The following RFT1 variants were observed in gnomAD, a reference collection of about 807,000 sequenced individuals.
The protein encoded by RFT1 is man(5)GlcNAc(2)-PP-dolichol translocation protein RFT1.
In RFT1, 43 loss-of-function variants were observed where a neutral mutation model predicts 62.2. The ratio of observed to expected loss-of-function variants is 0.69; its 90% CI spans 0.54 to 0.89. The LOEUF (loss-of-function observed/expected upper bound fraction) is 0.89. RFT1 is among the 40% of genes least tolerant of loss of function. RFT1 has a pLI of 0.00. For synonymous variants in RFT1, 262 were observed against 264.6 expected (o/e 0.99, Z 0.10); for missense variants, 605 against 649.9 (o/e 0.93, Z 0.75).
intron 6 of RFT1, among the ~76,000 whole-genome samples, chr3:53,113,790 A>G (rs1046871594): frequency 6.6e-6 from 1 of 152,204 alleles, no homozygotes; most frequent in Non-Finnish European, 1.5e-5. Context: ...AGAATGCTCT[A>G]TAGCCACATG....
the RFT1 span, among the ~76,000 whole-genome samples, chr3:53,068,401 C>G: frequency 2.0e-5 from 3 of 152,230 alleles, no homozygotes; most frequent in African/African-American, 7.2e-5. Context: ...CGACACGGTG[C>G]CTCCTGCCCA....
chr3:53,111,385 G>A (rs1255557077), intron 7 of RFT1, among the ~76,000 whole-genome samples: 5 of 151,096 alleles, frequency 3.3e-5, no homozygotes, highest in African/African-American at 1.2e-4. Flanking sequence ...CAGCTTGGGC[G>A]ACGGAGCAAG....
chr3:53,074,234 C>T, the RFT1 span, among the ~76,000 whole-genome samples: 1 of 152,222 alleles, frequency 6.6e-6, no homozygotes. Flanking sequence ...TTTAAGGCTC[C>T]CCTAAACCTG....
At chr3:53,101,506 C>T (rs1278663716) in intron 10 of RFT1, among the ~76,000 whole-genome samples, 2 of 152,286 alleles carry the variant, frequency 1.3e-5, no homozygotes, top group South Asian at 2.1e-4. Context: ...CAGTGACTCA[C>T]GTAAAGGGTT....
chr3:53,075,816 T>A, the RFT1 span, among the ~76,000 whole-genome samples: 1 of 151,584 alleles, frequency 6.6e-6, no homozygotes, highest in South Asian at 2.1e-4. Context: ...AGCCCCGAGA[T>A]GGGGGAGACG....
At chr3:53,115,415 G>T (rs1701765162) in intron 6 of RFT1, among the ~76,000 whole-genome samples, 1 of 152,080 alleles carries the variant, frequency 6.6e-6, no homozygotes, top group Non-Finnish European at 1.5e-5. Context: ...TTTGATCATG[G>T]TGCTGTTCAA....
chr3:53,120,933 C>T (rs1357855615), intron 5 of RFT1, among the ~76,000 whole-genome samples: 1 of 152,196 alleles, frequency 6.6e-6, no homozygotes, highest in African/African-American at 2.4e-5. Context: ...AAAGCTCCAG[C>T]GGCACTGCTG....
Position 53,115,164 on chromosome 3 carries a change from C to T in RFT1, c.697-3256G>A, listed in dbSNP as rs1346463263. ...CTTCTTACTCTTTCTCTAGCCTATC[C>T]TTCTCATTGCAGGTTCAGGCTTTGG... On this transcript the variant is annotated intron_variant, in intron 6 of 12. Transcript: ENST00000296292. Among the ~76,000 whole-genome samples the T allele has an allele frequency of 2.0e-5, 3 of 152,292 alleles. No individual in the cohort carries two copies. In the South Asian group the frequency reaches 6.2e-4, roughly 32 times the overall value.
chr3:53,112,638 G>C (rs987547856), intron 6 of RFT1, among the ~76,000 whole-genome samples: 1 of 152,164 alleles, frequency 6.6e-6, no homozygotes, highest in African/African-American at 2.4e-5. Flanking sequence ...AACTACTTGG[G>C]AGGCTGTGGC....
At chr3:53,103,869 G>T in intron 10 of RFT1, 84 bp downstream of exon 10, 2 of 1,526,264 alleles carry the variant, frequency 1.3e-6, no homozygotes, top group Non-Finnish European at 1.8e-6. Context: ...GATAACAACT[G>T]TGTGTGCACA....
In RFT1 at chr3:53,092,439, G is replaced by C; in HGVS notation, c.1388C>G (p.Ala463Gly). 1.9e-6 allele frequency: 3 copies of C among 1,611,326 alleles called. No individual in the cohort carries two copies. Among genetic ancestry groups the C allele is most frequent in the Non-Finnish European group, 1.7e-6 (2 of 1,179,060 alleles). Residue 463 changes from alanine to glycine, a missense_variant, in exon 12 of 13, where the codon GCT (alanine) becomes GGT (glycine). Ala to Gly is a moderately conservative substitution (Grantham distance 60). Coordinates refer to ENST00000296292, the MANE Select transcript of RFT1 (RefSeq NM_052859.4). ...YYRRSPHRPLAGLHLSPVLLG... is the reference protein window; with the variant it reads ...YYRRSPHRPLGGLHLSPVLLG... ...CAGGACTGGCGATAGGTGCAGGCCAGCCAGGGGCCTGTGGGGGCTCCTTCG... is the reference window on the plus strand; with the variant it reads ...CAGGACTGGCGATAGGTGCAGGCCACCCAGGGGCCTGTGGGGGCTCCTTCG...
intron 5 of RFT1, among the ~76,000 whole-genome samples, chr3:53,120,510 C>G (rs1431796464): frequency 6.6e-6 from 1 of 152,196 alleles, no homozygotes; most frequent in African/African-American, 2.4e-5. Flanking sequence ...GCTCTCTCCT[C>G]TTCGCCAGGG....
At chr3:53,093,682 A>C (rs979268748) in intron 11 of RFT1, among the ~76,000 whole-genome samples, 4 of 152,056 alleles carry the variant, frequency 2.6e-5, no homozygotes, top group Admixed American at 6.6e-5. Flanking sequence ...GGAGTTCGAG[A>C]TCAGCCTGGA....
chr3:53,126,231 G>C (rs1033655854), intron 1 of RFT1, among the ~76,000 whole-genome samples: 1 of 152,156 alleles, frequency 6.6e-6, no homozygotes, highest in African/African-American at 2.4e-5. Context: ...CACTTGGAAG[G>C]CTCCCTAATT....
In RFT1 at chr3:53,096,701, A is replaced by G. The variant is rs551367186; in HGVS notation, c.1208+2680T>C. Among the ~76,000 whole-genome samples, 55 of 152,208 alleles carry G rather than the reference A, an allele frequency of 3.6e-4. 1 individual carries two copies. In the East Asian group the frequency reaches 9.9e-3, roughly 27 times the overall value. ...CTTGTCTCAAAAAAAAGCAACCTGC[A>G]ATTCAAAGGATGTTTTAATATTTCA... On this transcript the variant is annotated intron_variant, in intron 11 of 12. Transcript: ENST00000296292.
At chr3:53,114,701 T>A (rs1339863217) in intron 6 of RFT1, among the ~76,000 whole-genome samples, 1 of 136,992 alleles carries the variant, frequency 7.3e-6, no homozygotes, top group East Asian at 2.2e-4. Flanking sequence ...GGAATTTCCC[T>A]GGAATACCCT....
At chr3:53,122,764 A>C (rs763242104) in intron 3 of RFT1, among the ~76,000 whole-genome samples, 2 of 152,176 alleles carry the variant, frequency 1.3e-5, no homozygotes, top group Non-Finnish European at 2.9e-5. Flanking sequence ...CATTATCTCC[A>C]TTAAAAAAAT....
chr3:53,083,749 T>C (rs1255390709), downstream of RFT1, among the ~76,000 whole-genome samples: 1 of 152,224 alleles, frequency 6.6e-6, no homozygotes, highest in Non-Finnish European at 1.5e-5. Flanking sequence ...GTTTCCATCA[T>C]GGTTACAAAA....
At chr3:53,088,434 G>T (rs944314862), downstream of RFT1, 12 of 152,178 alleles carry the variant, frequency 7.9e-5, no homozygotes, top group African/African-American at 2.9e-4. Flanking sequence ...TGAAATTAAA[G>T]AATTTTTGTC....
Sources: gnomAD v4.1 joint callset for allele counts (sites outside exome capture counted in the v4.1 genomes callset) on GRCh38, gnomAD v4.1.1 for gene constraint, MANE v1.5 for transcripts, NCBI Gene and HGNC (gene_info 2026-07-23, HGNC 2026-07-21) for gene names.